Variants in EHMT2 observed in about 807,000 individuals in gnomAD.
EHMT2 encodes the protein euchromatic histone lysine methyltransferase 2.
A neutral mutation model predicts 143.3 loss-of-function variants in EHMT2; 59 were observed. The ratio of observed to expected loss-of-function variants is 0.41; its 90% CI spans 0.33 to 0.51. EHMT2 has a LOEUF of 0.51. Ranked by LOEUF, EHMT2 falls within the 20% of genes least tolerant of loss-of-function variation. EHMT2 has a pLI of 0.18. For missense variants in EHMT2, 1,174 were observed against 1,645.9 expected (o/e 0.71, Z 4.96); for synonymous variants, 604 against 651.5 (o/e 0.93, Z 1.11).
Position 31,888,553 on chromosome 6 carries a change from G to A in EHMT2, c.1365+46C>T, listed in dbSNP as rs762065300. The A allele has an allele frequency of 7.5e-6, 12 of 1,608,274 alleles. No individual in the cohort carries two copies. The highest frequency in any genetic ancestry group is 1.7e-5 in the Admixed American group (1 of 59,856). Reference sequence around the variant, plus strand: ...GAGAAGAGAGCGTGAGGCTGGGGCCGGGGACTGGACGCCCTGGCACCTCTC... The same window carrying A: ...GAGAAGAGAGCGTGAGGCTGGGGCCAGGGACTGGACGCCCTGGCACCTCTC... On this transcript the variant is annotated intron_variant, in intron 11 of 27. Transcript: ENST00000375537. The surrounding 1 kb of genome is among the most constrained non-coding windows in gnomAD (Gnocchi z 7.4).
chr6:31,881,437 G>C lies in EHMT2; in HGVS notation c.3198-345C>G, dbSNP rs1480521476. On this transcript the variant is annotated intron_variant, in intron 25 of 27. Coordinates refer to ENST00000375537, the Ensembl canonical transcript of EHMT2. The surrounding 1 kb of genome is among the most constrained non-coding windows in gnomAD (Gnocchi z 4.8). ...ATGGGCGATATGGAACAGGAGAGGGGCCAGGACTGCAGGAAGAGCCAGAGG... is the reference window on the plus strand; with the variant it reads ...ATGGGCGATATGGAACAGGAGAGGGCCCAGGACTGCAGGAAGAGCCAGAGG... 1 of 412,660 alleles carries C rather than the reference G, an allele frequency of 2.4e-6. No homozygotes were observed. The highest frequency in any genetic ancestry group is 4.5e-6 in the Non-Finnish European group (1 of 220,852). 25.6% of individuals were successfully genotyped at this position (412,660 alleles called of 1,614,324 possible).
intron 1 of EHMT2, 78 bp downstream of exon 1, chr6:31,897,558 C>A: frequency 9.1e-7 from 1 of 1,098,722 alleles, no homozygotes; most frequent in South Asian, 4.4e-5. Flanking sequence ...GTTGCACCCC[C>A]GGAGCATTGC....
Position 31,881,126 on chromosome 6 carries a change from G to C in EHMT2, c.3198-34C>G. 1 of 1,590,882 alleles carries C rather than the reference G, an allele frequency of 6.3e-7. No homozygotes were observed. Among genetic ancestry groups the C allele is most frequent in the South Asian group, 1.1e-5 (1 of 90,618 alleles). On this transcript the variant is annotated intron_variant, in intron 25 of 27. Transcript: ENST00000375537. This position sits in a 1 kb window ranked among gnomAD's most constrained non-coding sequence, Gnocchi z 4.8. ...CAGGAATCCATGGTTCTGAAGGTGA[G>C]TGTGGGCTATTAGGAGGTGGCTCCA...
chr6:31,889,582 A>C lies in EHMT2; in HGVS notation c.885T>G (p.Thr295=), dbSNP rs1358553863. ...CCTCCTCCTCTTCACTTAGTTGTTC[A>C]GTTAGAGCTTCAACTTCAGACTGGG... is the stretch of plus-strand genomic sequence containing the variant. The change falls in exon 8 of 28, where the codon ACT becomes ACG. Residue 295 remains threonine, a synonymous_variant. Transcript: ENST00000375537. This position sits in a 1 kb window ranked among gnomAD's most constrained non-coding sequence, Gnocchi z 5.1. 1.9e-6 allele frequency: 3 copies of C among 1,609,902 alleles called. No individual in the cohort carries two copies. The highest frequency in any genetic ancestry group is 2.5e-6 in the Non-Finnish European group (3 of 1,179,756).
intron 15 of EHMT2, among the ~76,000 whole-genome samples, chr6:31,887,369 A>G (rs565568239): frequency 6.6e-6 from 1 of 152,314 alleles, no homozygotes; most frequent in South Asian, 2.1e-4. Context: ...AGCCAAGGCT[A>G]ACAGGTATAA....
exon 3 of EHMT2, chr6:31,896,687 C>T (rs1175989101): frequency 5.6e-6 from 9 of 1,610,934 alleles, no homozygotes; most frequent in Non-Finnish European, 7.6e-6. Context: ...GTAGCCCCTA[C>T]AGGGGTGTCA....
At chr6:31,891,967 C>T (rs1232114737) in intron 7 of EHMT2, among the ~76,000 whole-genome samples, 3 of 152,024 alleles carry the variant, frequency 2.0e-5, no homozygotes, top group East Asian at 1.9e-4. Context: ...TACAGCTGGG[C>T]GCGGTGGCTC....
intron 15 of EHMT2, 92 bp from the exon 16 acceptor site, chr6:31,887,193 G>A: frequency 1.8e-6 from 2 of 1,108,440 alleles, no homozygotes; most frequent in Non-Finnish European, 2.6e-6. Context: ...AGGCTTCTCA[G>A]GGCCCCAAGC....
intron 1 of EHMT2, 131 bp downstream of exon 1, chr6:31,897,505 G>C: frequency 1.6e-6 from 1 of 621,120 alleles, no homozygotes. Context: ...CCCGGTGCTG[G>C]CCCCCTGGAT....
At position 31,889,488 on chromosome 6, in the gene EHMT2, ACTC is replaced by A. The variant is rs957621909; in HGVS notation, c.976_978del (p.Glu326del). The A allele has an allele frequency of 5.2e-5, 84 of 1,609,922 alleles. No individual in the cohort carries two copies. The highest frequency in any genetic ancestry group is 8.1e-5 in the African/African-American group (6 of 73,978). ...CTTACCCTATCTGACTGATTCCCTGACTCCTCATCTTCCTCTTCTTCTTCCTCT... is the reference window on the plus strand; with the variant it reads ...CTTACCCTATCTGACTGATTCCCTGACTCATCTTCCTCTTCTTCTTCCTCT... On this transcript the variant is annotated inframe_deletion, in exon 8 of 28. Transcript: ENST00000375537. This position sits in a 1 kb window ranked among gnomAD's most constrained non-coding sequence, Gnocchi z 5.1.
chr6:31,892,987 G>A (rs1050511188), intron 4 of EHMT2, 77 bp from the exon 5 acceptor site: 5 of 948,774 alleles, frequency 5.3e-6, no homozygotes, highest in East Asian at 2.6e-5. Context: ...AGCCCCAGGC[G>A]GGGGTGGGGT....
Position 31,888,475 on chromosome 6 carries a change from C to T in EHMT2, c.1397G>A (p.Arg466Gln), listed in dbSNP as rs753253440. ...ACGGCTGGATGGCCTCATGGTCTCC[C>T]GCTTGAGGATGGCGGCATTGCAGCC... The change falls in exon 12 of 28, where the codon CGG (arginine) becomes CAG (glutamine). Residue 466 changes from arginine (R) to glutamine (Q), a missense_variant. Around this residue, in one of 6 missense-constraint regions of EHMT2, gnomAD observed 608 missense variants for 903.7 expected, o/e 0.67. Coordinates refer to ENST00000375537, the Ensembl canonical transcript of EHMT2. This position sits in a 1 kb window ranked among gnomAD's most constrained non-coding sequence, Gnocchi z 7.4. 9 of 1,612,678 alleles carry T rather than the reference C, an allele frequency of 5.6e-6. No individual in the cohort carries two copies. Among genetic ancestry groups the T allele is most frequent in the East Asian group, 4.5e-5 (2 of 44,852 alleles).
At position 31,883,926 on chromosome 6, in the gene EHMT2, G is replaced by T. The variant is rs1397221972; in HGVS notation, c.2796C>A (p.Asn932Lys). 6.2e-7 allele frequency: 1 copy of T among 1,613,880 alleles called. No individual in the cohort carries two copies. Among genetic ancestry groups the T allele is most frequent in the Non-Finnish European group, 8.5e-7 (1 of 1,179,944 alleles). The change falls in exon 22 of 28, where the codon AAC becomes AAA. Residue 932 changes from asparagine to lysine, a missense_variant. Physicochemically the swap from Asn to Lys is moderately conservative, Grantham distance 94. Transcript: ENST00000375537. The surrounding 1 kb of genome is among the most constrained non-coding windows in gnomAD (Gnocchi z 5.6). ...CACCGTTGACACAGGGAATGGGCACGTTCTCATAGCCCCGAGCCACGTCCC... is the reference window on the plus strand; with the variant it reads ...CACCGTTGACACAGGGAATGGGCACTTTCTCATAGCCCCGAGCCACGTCCC...
chr6:31,889,181 G>A lies in EHMT2; in HGVS notation c.1114+47C>T. On this transcript the variant is annotated intron_variant, in intron 9 of 27. Transcript: ENST00000375537. The surrounding 1 kb of genome is among the most constrained non-coding windows in gnomAD (Gnocchi z 5.1). Reference sequence around the variant, plus strand: ...TGTGTGCGTGCACACACTCTGGGGGGCCGGGCGGGGGCTGGAGGGCACCCA... The same window carrying A: ...TGTGTGCGTGCACACACTCTGGGGGACCGGGCGGGGGCTGGAGGGCACCCA... The A allele has an allele frequency of 6.4e-7, 1 of 1,562,550 alleles. No individual in the cohort carries two copies. The highest frequency in any genetic ancestry group is 8.7e-7 in the Non-Finnish European group (1 of 1,151,992).
chr6:31,897,611 C>T (rs1562527480), intron 1 of EHMT2, 25 bp downstream of exon 1: 6 of 1,143,430 alleles, frequency 5.2e-6, no homozygotes, highest in Non-Finnish European at 5.4e-6. Flanking sequence ...GGCATGCACC[C>T]GCCTCTCCCC....
At chr6:31,891,713 G>C (rs985507158) in intron 7 of EHMT2, among the ~76,000 whole-genome samples, 3 of 152,130 alleles carry the variant, frequency 2.0e-5, no homozygotes, top group Admixed American at 6.6e-5. Flanking sequence ...ACCAGACAAA[G>C]AGCAACGAAA....
chr6:31,883,353 G>C lies in EHMT2; in HGVS notation c.2994+9C>G, dbSNP rs754992020. On this transcript the variant is annotated intron_variant, in intron 23 of 27. Coordinates refer to ENST00000375537, the Ensembl canonical transcript of EHMT2. The surrounding 1 kb of genome is among the most constrained non-coding windows in gnomAD (Gnocchi z 5.6). ...CCGGGTGTCTGTGGCCAAGGCAAGG[G>C]GCACGCACCTTGTCATACCAGCACC... is the stretch of plus-strand genomic sequence containing the variant. 6.2e-6 allele frequency: 10 copies of C among 1,612,372 alleles called. No individual in the cohort carries two copies. The East Asian group carries it at 2.0e-4, about 32-fold the overall frequency.
Position 31,889,736 on chromosome 6 carries a change from G to A in EHMT2, c.865-134C>T. 1 of 1,097,326 alleles carries A rather than the reference G, an allele frequency of 9.1e-7. No individual in the cohort carries two copies. The highest frequency in any genetic ancestry group is 2.4e-5 in the East Asian group (1 of 42,380). The allele number at this position is 1,097,326 out of a possible 1,614,324, so 68.0% of individuals were successfully genotyped here. Reference sequence around the variant, plus strand: ...CTGGGGATAAGTGTGGGTAGCAGAGGAGACAAAGGGCCACATAAAGAGAGG... The same window carrying A: ...CTGGGGATAAGTGTGGGTAGCAGAGAAGACAAAGGGCCACATAAAGAGAGG... On this transcript the variant is annotated intron_variant, in intron 7 of 27. Coordinates refer to ENST00000375537, the Ensembl canonical transcript of EHMT2. This position sits in a 1 kb window ranked among gnomAD's most constrained non-coding sequence, Gnocchi z 5.1.
chr6:31,892,956 G>A (rs534079810), intron 4 of EHMT2, 46 bp from the exon 5 acceptor site: 2 of 1,403,670 alleles, frequency 1.4e-6, no homozygotes, highest in South Asian at 2.8e-5. Flanking sequence ...AGCACCTACA[G>A]TTTTGCCTGG....
Sources: gnomAD v4.1 joint callset for allele counts (sites outside exome capture counted in the v4.1 genomes callset) on GRCh38, gnomAD v4.1.1 for gene constraint, gnomAD v4.1.1 regional missense constraint, Gnocchi (gnomAD v3.1) non-coding constraint, MANE v1.5 for transcripts, NCBI Gene and HGNC (gene_info 2026-07-23, HGNC 2026-07-21) for gene names.